SGCZ: variants seen among roughly 807,000 people sequenced by gnomAD.
SGCZ encodes sarcoglycan zeta.
In SGCZ, 40 loss-of-function variants were observed where a neutral mutation model predicts 41.3. The ratio of observed to expected loss-of-function variants is 0.97; its 90% CI spans 0.75 to 1.26. SGCZ has a LOEUF of 1.26. SGCZ is among the 50% of genes most tolerant of loss of function. The pLI, the probability that SGCZ is intolerant of heterozygous loss-of-function variation, is 0.00. For synonymous variants in SGCZ, 206 were observed against 137.5 expected (o/e 1.50, Z -3.49); for missense variants, 552 against 369.8 (o/e 1.49, Z -4.04).
intron 3 of SGCZ, among the ~76,000 whole-genome samples, chr8:14,277,631 G>C (rs536857376): frequency 4.6e-5 from 7 of 152,180 alleles, no homozygotes; most frequent in Admixed American, 3.9e-4. Flanking sequence ...ACAAGTATTG[G>C]GATACAGAGA....
intron 1 of SGCZ, among the ~76,000 whole-genome samples, chr8:14,564,887 C>T (rs1804312208): frequency 1.3e-5 from 2 of 152,250 alleles, no homozygotes; most frequent in East Asian, 1.9e-4. Context: ...ATACTTAATG[C>T]TCAAAGGGAC....
At chr8:14,146,342 A>C (rs965243390) in intron 5 of SGCZ, among the ~76,000 whole-genome samples, 1 of 152,190 alleles carries the variant, frequency 6.6e-6, no homozygotes, top group African/African-American at 2.4e-5. Context: ...TTTAGCAGAA[A>C]TATCTTTTGA....
At chr8:14,777,720 G>A (rs1800453399) in intron 1 of SGCZ, among the ~76,000 whole-genome samples, 1 of 152,090 alleles carries the variant, frequency 6.6e-6, no homozygotes, top group African/African-American at 2.4e-5. Flanking sequence ...AAGTGTTAAT[G>A]CATGTATGTG....
intron 1 of SGCZ, among the ~76,000 whole-genome samples, chr8:14,576,064 T>C (rs1804701820): frequency 6.6e-6 from 1 of 152,164 alleles, no homozygotes; most frequent in African/African-American, 2.4e-5. Context: ...TATACGCATG[T>C]AAGTCATGCT....
intron 1 of SGCZ, among the ~76,000 whole-genome samples, chr8:15,088,125 G>C (rs994439817): frequency 6.6e-6 from 1 of 152,088 alleles, no homozygotes; most frequent in African/African-American, 2.4e-5. Flanking sequence ...AGTATTCATA[G>C]GCAGTGCAAT....
chr8:14,412,013 C>A (rs1435044698), intron 2 of SGCZ, among the ~76,000 whole-genome samples: 1 of 152,048 alleles, frequency 6.6e-6, no homozygotes, highest in African/African-American at 2.4e-5. Context: ...CAAGGGCGTG[C>A]ATCTTCTTTG....
chr8:14,639,031 C>G (rs1292930172), intron 1 of SGCZ, among the ~76,000 whole-genome samples: 1 of 135,800 alleles, frequency 7.4e-6, no homozygotes, highest in Non-Finnish European at 1.6e-5. Flanking sequence ...CACTAAGAAA[C>G]TGGAATCTTT....
chr8:14,786,831 A>G (rs1288508277), intron 1 of SGCZ, among the ~76,000 whole-genome samples: 4 of 129,342 alleles, frequency 3.1e-5, no homozygotes, highest in Non-Finnish European at 6.4e-5. Flanking sequence ...AGAGTTGGAA[A>G]GCAGGTTTAA....
chr8:14,432,288 T>C (rs188298361), intron 2 of SGCZ, among the ~76,000 whole-genome samples: 4 of 152,212 alleles, frequency 2.6e-5, no homozygotes, highest in African/African-American at 9.6e-5. Context: ...CAAATGCCCA[T>C]CGATCAACAA....
At chr8:14,128,714 C>T (rs941583758) in intron 5 of SGCZ, among the ~76,000 whole-genome samples, 2 of 151,380 alleles carry the variant, frequency 1.3e-5, no homozygotes, top group African/African-American at 2.4e-5. Context: ...TGTATATATA[C>T]ATATACACAC....
At chr8:15,053,584 C>A (rs1237533604) in intron 1 of SGCZ, among the ~76,000 whole-genome samples, 2 of 151,964 alleles carry the variant, frequency 1.3e-5, no homozygotes, top group African/African-American at 4.8e-5. Flanking sequence ...ACGATATATC[C>A]CATTCCGAGT....
chr8:14,310,324 T>C (rs1801493410), intron 3 of SGCZ, among the ~76,000 whole-genome samples: 1 of 152,310 alleles, frequency 6.6e-6, no homozygotes, highest in South Asian at 2.1e-4. Context: ...ACATTAATTT[T>C]GTGCAGTCTT....
intron 1 of SGCZ, among the ~76,000 whole-genome samples, chr8:15,029,118 TA>T (rs1203357290): frequency 6.6e-6 from 1 of 152,100 alleles, no homozygotes; most frequent in Non-Finnish European, 1.5e-5. Context: ...TCTTGATTTG[TA>T]GCTAGATACG....
intron 1 of SGCZ, among the ~76,000 whole-genome samples, chr8:14,843,169 A>G (rs1464801993): frequency 3.3e-5 from 5 of 152,108 alleles, no homozygotes; most frequent in African/African-American, 1.2e-4. Flanking sequence ...CTGAGATTGC[A>G]CCACTGCACT....
intron 1 of SGCZ, among the ~76,000 whole-genome samples, chr8:14,961,912 T>C (rs1255845350): frequency 6.6e-6 from 1 of 152,216 alleles, no homozygotes; most frequent in Non-Finnish European, 1.5e-5. Flanking sequence ...AGCAAGCCAA[T>C]GTATGTCATA....
At chr8:14,519,336 C>T (rs951422066) in intron 2 of SGCZ, among the ~76,000 whole-genome samples, 1 of 151,870 alleles carries the variant, frequency 6.6e-6, no homozygotes, top group East Asian at 1.9e-4. Flanking sequence ...AAAATACATG[C>T]CATACCAGCA....
rs148289135 is a variant in SGCZ, at chr8:14,180,555, G to GA, written c.425-15854dup. ...ACCCAACATGCGCAGTCTCATTGAA[G>GA]AAAAAAAAAATGACCTGTTAAAAAC... is the stretch of plus-strand genomic sequence containing the variant. On this transcript the variant is annotated intron_variant, in intron 4 of 7. Transcript: ENST00000382080. 5.0e-3 allele frequency among the ~76,000 whole-genome samples: 741 copies of GA among 149,596 alleles called. 7 individuals are homozygous for GA. Among genetic ancestry groups the GA allele is most frequent in the African/African-American group, 0.016 (669 of 40,810 alleles).
chr8:14,535,616 T>A (rs1803271181), intron 2 of SGCZ, among the ~76,000 whole-genome samples: 1 of 151,942 alleles, frequency 6.6e-6, no homozygotes, highest in Non-Finnish European at 1.5e-5. Context: ...ATAACTTTTA[T>A]GAAAAGGGAA....
chr8:14,337,251 G>A (rs1802537459), intron 2 of SGCZ, among the ~76,000 whole-genome samples: 1 of 152,010 alleles, frequency 6.6e-6, no homozygotes, highest in Admixed American at 6.6e-5. Context: ...CTGTTCTCCT[G>A]GCCACTGTCT....
Sources: gnomAD v4.1 joint callset for allele counts (sites outside exome capture counted in the v4.1 genomes callset) on GRCh38, gnomAD v4.1.1 for gene constraint, MANE v1.5 for transcripts, NCBI Gene and HGNC (gene_info 2026-07-23, HGNC 2026-07-21) for gene names.